TMEM230: variants seen among roughly 807,000 people sequenced by gnomAD.
The protein encoded by TMEM230 is transmembrane protein 230, also known as UPF0414 transmembrane protein C20orf30.
A neutral mutation model predicts 15.8 loss-of-function variants in TMEM230; 10 were observed. The ratio of observed to expected loss-of-function variants is 0.63; its 90% CI spans 0.39 to 1.07. The LOEUF (loss-of-function observed/expected upper bound fraction) is 1.07. Ranked by LOEUF, TMEM230 falls within the 50% of genes least tolerant of loss-of-function variation. The probability of loss-of-function intolerance (pLI) is 0.01; values close to 1 mark genes in which losing one functional copy is unlikely to be tolerated. For missense variants in TMEM230, 165 were observed against 193.3 expected, an observed-to-expected ratio of 0.85 and a Z score of 0.87; for synonymous variants, 67 against 76.9, an observed-to-expected ratio of 0.87 and a Z score of 0.68.
Position 5,113,047 on chromosome 20 carries a change from G to T in TMEM230, c.-19C>A, listed in dbSNP as rs752123129. 4.3e-5 allele frequency: 67 copies of T among 1,543,784 alleles called. No homozygotes were observed. The highest frequency in any genetic ancestry group is 5.8e-5 in the Non-Finnish European group (66 of 1,146,378). ...GTTGCATGGCATGGCCCGCTTAAGT[G>T]CCACTCAGCCGGCCCCAGGCGGGAT... On this transcript the variant is annotated 5_prime_UTR_variant, in exon 1 of 5. Coordinates refer to ENST00000342308, the MANE Select transcript of TMEM230 (RefSeq NM_001009923.2).
Position 5,100,652 on chromosome 20 carries a change from A to G in TMEM230, c.*139T>C. On this transcript the variant is annotated 3_prime_UTR_variant, in exon 5 of 5. Transcript: ENST00000342308. Reference sequence around the variant, plus strand: ...GTAGGTTCACTTAACATCTTTGGGAAGGACCCAAAAAATCTGGCCATTATT... The same window carrying G: ...GTAGGTTCACTTAACATCTTTGGGAGGGACCCAAAAAATCTGGCCATTATT... The G allele has an allele frequency of 6.8e-7, 1 of 1,460,230 alleles. No homozygotes were observed. Among genetic ancestry groups the G allele is most frequent in the Non-Finnish European group, 9.0e-7 (1 of 1,107,868 alleles). 90.5% of individuals were successfully genotyped at this position (1,460,230 alleles called of 1,614,324 possible). A position where few individuals can be genotyped will look rare whatever the true frequency, so the allele number is the denominator to read the frequency against.
chr20:5,108,195 T>C (rs1053143886), intron 3 of TMEM230, among the ~76,000 whole-genome samples: 4 of 151,710 alleles, frequency 2.6e-5, no homozygotes, highest in Admixed American at 6.6e-5. Context: ...CGAGGCAGGA[T>C]GATCACCTGA....
At chr20:5,112,604 G>C (rs2122866582) in intron 1 of TMEM230, 1 of 977,516 alleles carries the variant, frequency 1.0e-6, no homozygotes. Flanking sequence ...AGTCTTCGTT[G>C]CCAACAGGCT....
Position 5,100,482 on chromosome 20 carries a change from A to G in TMEM230, c.*309T>C. Reference sequence around the variant, plus strand: ...AAATTGGCAATGAAGACTATTTAAAAGAAATGCTCAGCTCTACAGAGGGTG... The same window carrying G: ...AAATTGGCAATGAAGACTATTTAAAGGAAATGCTCAGCTCTACAGAGGGTG... On this transcript the variant is annotated 3_prime_UTR_variant, in exon 5 of 5. Coordinates refer to ENST00000342308, the MANE Select transcript of TMEM230 (RefSeq NM_001009923.2). The G allele has an allele frequency of 1.1e-5, 12 of 1,064,266 alleles. No individual in the cohort carries two copies. Among genetic ancestry groups the G allele is most frequent in the Non-Finnish European group, 1.4e-5 (12 of 878,794 alleles). The allele number at this position is 1,064,266 out of a possible 1,614,324, so 65.9% of individuals were successfully genotyped here. A position where few individuals can be genotyped will look rare whatever the true frequency, so the allele number is the denominator to read the frequency against.
intron 4 of TMEM230, among the ~76,000 whole-genome samples, chr20:5,103,678 C>T (rs1156870017): frequency 6.6e-6 from 1 of 150,794 alleles, no homozygotes; most frequent in African/African-American, 2.4e-5. Flanking sequence ...AAAACATACA[C>T]TGGGGAAAGA....
At chr20:5,063,509 G>A (rs966061922), downstream of TMEM230, among the ~76,000 whole-genome samples, 1 of 151,846 alleles carries the variant, frequency 6.6e-6, no homozygotes, top group African/African-American at 2.4e-5. Flanking sequence ...GGCTGGTCTC[G>A]AACTTCTGAC....
chr20:5,109,250 CA>C, intron 3 of TMEM230, 81 bp downstream of exon 2: 6 of 1,128,652 alleles, frequency 5.3e-6, no homozygotes, highest in Non-Finnish European at 7.7e-6. Flanking sequence ...GGACAGTTAG[CA>C]AAATCTCCAT....
At chr20:5,067,745 C>T (rs1269266208), downstream of TMEM230, among the ~76,000 whole-genome samples, 1 of 87,576 alleles carries the variant, frequency 1.1e-5, no homozygotes, top group East Asian at 7.1e-4. Context: ...CCGGCCTCCC[C>T]ACCCAGCCCC....
intron 3 of TMEM230, among the ~76,000 whole-genome samples, chr20:5,072,908 A>T (rs1358227354): frequency 6.6e-6 from 1 of 150,470 alleles, no homozygotes; most frequent in Non-Finnish European, 1.5e-5. Context: ...GAGACTGATG[A>T]CTTGAGAAAC....
At chr20:5,078,873 T>G (rs2089089895) in intron 3 of TMEM230, among the ~76,000 whole-genome samples, 1 of 151,990 alleles carries the variant, frequency 6.6e-6, no homozygotes. Flanking sequence ...CCCTGCAGCC[T>G]CAACCTCCTG....
At chr20:5,059,122 G>C in the TMEM230 span, among the ~76,000 whole-genome samples, 1 of 152,014 alleles carries the variant, frequency 6.6e-6, no homozygotes, top group Non-Finnish European at 1.5e-5. Context: ...AATCTAAGTG[G>C]CTCAAAACTA....
chr20:5,106,443 G>T, intron 3 of TMEM230, 133 bp from the exon 3 acceptor site: 2 of 1,134,230 alleles, frequency 1.8e-6, no homozygotes, highest in Non-Finnish European at 2.4e-6. Flanking sequence ...CGTTCTTGTT[G>T]CCCAGGCTAG....
intron 1 of TMEM230, chr20:5,111,747 T>C: frequency 1.0e-6 from 1 of 975,158 alleles, no homozygotes; most frequent in Non-Finnish European, 1.2e-6. Context: ...ATCACAATAA[T>C]GGTGGTTAGT....
intron 4 of TMEM230, among the ~76,000 whole-genome samples, chr20:5,104,659 G>T (rs1238840264): frequency 6.6e-6 from 1 of 152,156 alleles, no homozygotes; most frequent in Non-Finnish European, 1.5e-5. Flanking sequence ...AGAAAATATG[G>T]TACATATATG....
intron 3 of TMEM230, among the ~76,000 whole-genome samples, chr20:5,076,480 G>A (rs1305189861): frequency 6.6e-6 from 1 of 151,986 alleles, no homozygotes; most frequent in African/African-American, 2.4e-5. Context: ...GGTGGAGGTT[G>A]CAGTGAGCTG....
downstream of TMEM230, among the ~76,000 whole-genome samples, chr20:5,064,962 GGAGTTTGA>G (rs1180462967): frequency 6.6e-6 from 1 of 152,016 alleles, no homozygotes; most frequent in Non-Finnish European, 1.5e-5. Flanking sequence ...CTTGAGCTTA[GGAGTTTGA>G]GACCAGCCTG....
downstream of TMEM230, among the ~76,000 whole-genome samples, chr20:5,096,458 G>A (rs780093210): frequency 1.3e-5 from 2 of 152,196 alleles, no homozygotes; most frequent in African/African-American, 2.4e-5. Context: ...CCTCAGGATA[G>A]GAACTTAATG....
In TMEM230 at chr20:5,099,942, G is replaced by C; in HGVS notation, c.*849C>G. 1 of 985,354 alleles carries C rather than the reference G, an allele frequency of 1.0e-6. No individual in the cohort carries two copies. Among genetic ancestry groups the C allele is most frequent in the Non-Finnish European group, 1.2e-6 (1 of 829,886 alleles). 61.0% of individuals were successfully genotyped at this position (985,354 alleles called of 1,614,324 possible). On this transcript the variant is annotated 3_prime_UTR_variant, in exon 5 of 5. Coordinates refer to ENST00000342308, the MANE Select transcript of TMEM230 (RefSeq NM_001009923.2). ...GTCACTTTTTGCAAGCTAAAAAATAGAATCAAACTAAGGTGATCTAGTCCT... is the reference window on the plus strand; with the variant it reads ...GTCACTTTTTGCAAGCTAAAAAATACAATCAAACTAAGGTGATCTAGTCCT...
At chr20:5,105,515 T>C (rs755270540) in intron 4 of TMEM230, among the ~76,000 whole-genome samples, 3 of 149,650 alleles carry the variant, frequency 2.0e-5, no homozygotes, top group African/African-American at 4.9e-5. Flanking sequence ...AGCATGAACC[T>C]GGGAGGCGGA....
Sources: allele counts gnomAD v4.1 joint callset (sites outside exome capture counted in the v4.1 genomes callset), GRCh38; gene constraint gnomAD v4.1.1; transcripts MANE v1.5; gene names NCBI Gene and HGNC (gene_info 2026-07-23, HGNC 2026-07-21).